The following DPP10 variants were observed in gnomAD, a reference collection of about 807,000 sequenced individuals.
DPP10 encodes the protein dipeptidyl peptidase like 10, also known as inactive dipeptidyl peptidase 10.
DPP10 carries 33 observed loss-of-function variants against 120.9 expected under a neutral mutation model. That is an observed-to-expected ratio of 0.27 (90% CI 0.21 to 0.37). DPP10 has a LOEUF of 0.37. Ranked by LOEUF, DPP10 falls within the 10% of genes least tolerant of loss-of-function variation. The probability of loss-of-function intolerance (pLI) is 1.00; values close to 1 mark genes in which losing one functional copy is unlikely to be tolerated. For synonymous variants in DPP10, 337 were observed against 326.1 expected (o/e 1.03, Z -0.36); for missense variants, 816 against 942.8 (o/e 0.87, Z 1.76).
At chr2:115,545,958 G>A (rs2079475086) in intron 5 of DPP10, among the ~76,000 whole-genome samples, 1 of 152,028 alleles carries the variant, frequency 6.6e-6, no homozygotes, top group Non-Finnish European at 1.5e-5. Flanking sequence ...TTGATGCTCA[G>A]GGCTTTTCCA....
intron 1 of DPP10, among the ~76,000 whole-genome samples, chr2:114,763,876 T>A (rs572909227): frequency 6.6e-6 from 1 of 152,342 alleles, no homozygotes; most frequent in African/African-American, 2.4e-5. Context: ...TAGAGATTAC[T>A]CTTTCAAGTG....
At chr2:115,562,301 A>C (rs933287307) in intron 5 of DPP10, among the ~76,000 whole-genome samples, 5 of 151,986 alleles carry the variant, frequency 3.3e-5, no homozygotes, top group Admixed American at 6.6e-5. Flanking sequence ...TATTCTAGTC[A>C]CCTTCCAAAT....
chr2:114,880,310 C>T (rs1691502651), intron 1 of DPP10, among the ~76,000 whole-genome samples: 1 of 152,150 alleles, frequency 6.6e-6, no homozygotes, highest in Admixed American at 6.6e-5. Context: ...TTTGGCAACG[C>T]TACAGTGACA....
At chr2:115,828,372 G>A (rs528385996) in intron 21 of DPP10, among the ~76,000 whole-genome samples, 9 of 151,570 alleles carry the variant, frequency 5.9e-5, no homozygotes, top group African/African-American at 2.2e-4. Flanking sequence ...TATGTCTTAC[G>A]CTTCAGTTTA....
At chr2:114,997,884 C>A (rs1298930705) in intron 1 of DPP10, among the ~76,000 whole-genome samples, 1 of 152,058 alleles carries the variant, frequency 6.6e-6, no homozygotes, top group Admixed American at 6.5e-5. Flanking sequence ...GGAATAGGAC[C>A]GTCATCTAAA....
At chr2:114,653,313 A>G (rs1018531553) in intron 1 of DPP10, among the ~76,000 whole-genome samples, 10 of 152,094 alleles carry the variant, frequency 6.6e-5, no homozygotes, top group African/African-American at 2.4e-4. Flanking sequence ...CTGTAGCCCT[A>G]GAAGCCTCCA....
intron 3 of DPP10, among the ~76,000 whole-genome samples, chr2:115,398,458 A>G (rs770662781): frequency 5.3e-5 from 8 of 152,020 alleles, no homozygotes; most frequent in Non-Finnish European, 1.0e-4. Context: ...CTCTTTTATG[A>G]GTTTTGGTAA....
At chr2:114,819,804 C>A (rs1302313289) in intron 1 of DPP10, among the ~76,000 whole-genome samples, 2 of 152,176 alleles carry the variant, frequency 1.3e-5, no homozygotes, top group Non-Finnish European at 2.9e-5. Flanking sequence ...AAACCGGAAG[C>A]ACAGTGTGGC....
At chr2:115,579,362 C>T (rs1249049526) in intron 5 of DPP10, 2 of 152,182 alleles carry the variant, frequency 1.3e-5, no homozygotes, top group South Asian at 2.1e-4. Context: ...AAACCTACTT[C>T]GTGCCAAGGA....
intron 1 of DPP10, among the ~76,000 whole-genome samples, chr2:115,216,767 G>A (rs976644314): frequency 6.6e-6 from 1 of 151,806 alleles, no homozygotes. Context: ...CCTGGGCAAT[G>A]GAGTGAGACT....
intron 1 of DPP10, among the ~76,000 whole-genome samples, chr2:115,172,408 A>G (rs2053418754): frequency 6.6e-6 from 1 of 151,974 alleles, no homozygotes; most frequent in African/African-American, 2.4e-5. Flanking sequence ...AGCTATTTCC[A>G]GAAGCTGATT....
intron 3 of DPP10, among the ~76,000 whole-genome samples, chr2:115,402,949 G>T (rs57179920): frequency 7.1e-6 from 1 of 140,978 alleles, no homozygotes; most frequent in Non-Finnish European, 1.5e-5. Context: ...ATGTGTGTGT[G>T]TATATATATA....
intron 1 of DPP10, among the ~76,000 whole-genome samples, chr2:115,077,084 C>T (rs1707864477): frequency 6.6e-6 from 1 of 152,156 alleles, no homozygotes; most frequent in South Asian, 2.1e-4. Context: ...TCTACTGTCA[C>T]TACTAACATC....
chr2:115,594,393 T>C (rs1180422246), intron 5 of DPP10, among the ~76,000 whole-genome samples: 1 of 152,074 alleles, frequency 6.6e-6, no homozygotes, highest in Non-Finnish European at 1.5e-5. Context: ...TTAAAAGCTA[T>C]AAATAGCTCA....
In DPP10 at chr2:115,730,740, T is replaced by A. The variant is rs546491414; in HGVS notation, c.697+2804T>A. Among the ~76,000 whole-genome samples the A allele has an allele frequency of 1.2e-4, 19 of 152,040 alleles. No individual in the cohort carries two copies. The South Asian group carries it at 3.7e-3, about 30-fold the overall frequency. On this transcript the variant is annotated intron_variant, in intron 8 of 25. Coordinates refer to ENST00000410059, the MANE Select transcript of DPP10 (RefSeq NM_020868.6). ...TCTGAGAGTAAACTGTTTGTAGGGG[T>A]TGTGGAGAGCAGAACAAACGGGTAA...
intron 1 of DPP10, among the ~76,000 whole-genome samples, chr2:114,564,362 T>C (rs1414878752): frequency 6.6e-6 from 1 of 152,090 alleles, no homozygotes; most frequent in Admixed American, 6.6e-5. Context: ...TTCATTTAGC[T>C]TATGAAGGAA....
intron 1 of DPP10, among the ~76,000 whole-genome samples, chr2:114,645,218 G>T (rs906466953): frequency 2.8e-4 from 42 of 152,146 alleles, no homozygotes; most frequent in Non-Finnish European, 5.9e-5. Flanking sequence ...TGGCTAAAAG[G>T]CCTCTTAAAA....
chr2:115,098,674 G>C (rs2048526671), intron 1 of DPP10, among the ~76,000 whole-genome samples: 1 of 152,098 alleles, frequency 6.6e-6, no homozygotes, highest in Admixed American at 6.5e-5. Context: ...CGGTGCATGA[G>C]TGTATTAAGT....
At chr2:115,557,601 C>G (rs927979314) in intron 5 of DPP10, among the ~76,000 whole-genome samples, 2 of 152,134 alleles carry the variant, frequency 1.3e-5, no homozygotes, top group Non-Finnish European at 2.9e-5. Context: ...TTTATGTAAA[C>G]TTTTGAGCTG....
Sources: gnomAD v4.1 joint callset for allele counts (sites outside exome capture counted in the v4.1 genomes callset) on GRCh38, gnomAD v4.1.1 for gene constraint, MANE v1.5 for transcripts, NCBI Gene and HGNC (gene_info 2026-07-23, HGNC 2026-07-21) for gene names.